The following BBS9 variants were observed in gnomAD, a reference collection of about 807,000 sequenced individuals.
BBS9 encodes the protein Bardet-Biedl syndrome 9, also known as protein PTHB1.
BBS9 carries 89 observed loss-of-function variants against 117.7 expected under a neutral mutation model. That is an observed-to-expected ratio of 0.76 (90% CI 0.64 to 0.90). BBS9 has a LOEUF of 0.90. Among genes scored for constraint, BBS9 ranks in the 40% least tolerant of loss-of-function variants. The pLI is 0.00. For missense variants in BBS9, 982 were observed against 1,042.2 expected, an observed-to-expected ratio of 0.94 and a Z score of 0.80; for synonymous variants, 379 against 370.9, an observed-to-expected ratio of 1.02 and a Z score of -0.25.
chr7:33,388,681 A>G (rs953172715), intron 19 of BBS9, among the ~76,000 whole-genome samples: 1 of 152,184 alleles, frequency 6.6e-6, no homozygotes, highest in Non-Finnish European at 1.5e-5. Context: ...TATCATTTGC[A>G]TGGCTAGGTG....
intron 21 of BBS9, among the ~76,000 whole-genome samples, chr7:33,614,455 G>A (rs953163725): frequency 6.6e-6 from 1 of 151,892 alleles, no homozygotes; most frequent in Non-Finnish European, 1.5e-5. Context: ...CTTGGAAAAC[G>A]TCACTCTGTC....
chr7:33,413,127 A>C (rs1489892479), intron 19 of BBS9, among the ~76,000 whole-genome samples: 6 of 152,168 alleles, frequency 3.9e-5, no homozygotes, highest in Admixed American at 6.5e-5. Context: ...GCCTTCAATC[A>C]AGAACTGACT....
chr7:33,468,842 C>G (rs1000842189), intron 19 of BBS9, among the ~76,000 whole-genome samples: 1 of 152,118 alleles, frequency 6.6e-6, no homozygotes, highest in Admixed American at 6.6e-5. Flanking sequence ...GAATTTCATT[C>G]TTTTTTGTGA....
chr7:33,229,332 A>T (rs1562838974), intron 5 of BBS9, among the ~76,000 whole-genome samples: 1 of 85,940 alleles, frequency 1.2e-5, no homozygotes. Flanking sequence ...CTCTGACTTC[A>T]TATCCTTGTA....
chr7:33,611,802 T>TATACCTTAAACCTTATATATA (rs1864890879), intron 21 of BBS9, among the ~76,000 whole-genome samples: 2 of 140,920 alleles, frequency 1.4e-5, no homozygotes, highest in Admixed American at 7.4e-5. Flanking sequence ...TGGTATATAT[T>TATACCTTAAACCTTATATATA]ATACCTTAAA....
chr7:33,533,931 T>C, intron 20 of BBS9, 23 bp from the exon 21 acceptor site: 1 of 1,613,018 alleles, frequency 6.2e-7, no homozygotes, highest in South Asian at 1.1e-5. Flanking sequence ...TTGTATTAAT[T>C]CAAAATTGGC....
chr7:33,381,782 C>G (rs1825084525), intron 17 of BBS9, among the ~76,000 whole-genome samples: 1 of 152,070 alleles, frequency 6.6e-6, no homozygotes, highest in South Asian at 2.1e-4. Context: ...GGTATGACTT[C>G]AGCAGCAAAG....
rs920293049 is a variant in BBS9 at position 33,404,493 on chromosome 7, A to G, written c.2115+16349A>G. Among the ~76,000 whole-genome samples the G allele has an allele frequency of 8.5e-4, 129 of 152,162 alleles. No homozygotes were observed. In the South Asian group the frequency reaches 0.011, roughly 13 times the overall value. ...ACCCATGAGCATGGAATGTTCTTCC[A>G]TTTGTTTGTATCCTCTTTTATTTCA... On this transcript the variant is annotated intron_variant, in intron 19 of 22. Transcript: ENST00000242067.
At chr7:33,304,836 C>G (rs1807536215) in intron 9 of BBS9, among the ~76,000 whole-genome samples, 1 of 152,066 alleles carries the variant, frequency 6.6e-6, no homozygotes, top group South Asian at 2.1e-4. Flanking sequence ...AACCTTACCC[C>G]CAACCCCGTG....
intron 19 of BBS9, among the ~76,000 whole-genome samples, chr7:33,397,610 A>C (rs1229086370): frequency 6.6e-6 from 1 of 152,240 alleles, no homozygotes; most frequent in African/African-American, 2.4e-5. Flanking sequence ...AATGTGGTAC[A>C]TATGCACCAT....
intron 5 of BBS9, among the ~76,000 whole-genome samples, chr7:33,185,004 C>T (rs1186308190): frequency 6.6e-6 from 1 of 152,176 alleles, no homozygotes; most frequent in African/African-American, 2.4e-5. Context: ...CCTCTTTAGA[C>T]CATACAATGT....
chr7:33,541,955 A>AAAC (rs59715098), intron 21 of BBS9, among the ~76,000 whole-genome samples: 69,697 of 151,784 alleles, frequency 0.46, 16,579 homozygotes, highest in South Asian at 0.57. Context: ...ACTTGTTTAA[A>AAAC]AACATTTTTT....
chr7:33,424,876 G>A (rs568090544), intron 19 of BBS9, among the ~76,000 whole-genome samples: 2 of 152,154 alleles, frequency 1.3e-5, no homozygotes, highest in South Asian at 4.1e-4. Context: ...ATCACTCAGA[G>A]TAACAGATGT....
At position 33,287,579 on chromosome 7, in the gene BBS9, T is replaced by C. The variant is rs551824832; in HGVS notation, c.1016+13623T>C. ...TCAACAGAACCTGCCAGTTAACAGA[T>C]TGTGGGGGTTCCCAGATATTCTAAA... On this transcript the variant is annotated intron_variant, in intron 9 of 22. Transcript: ENST00000242067. Among the ~76,000 whole-genome samples, 7 of 152,276 alleles carry C rather than the reference T, an allele frequency of 4.6e-5. No individual in the cohort carries two copies. The South Asian group carries it at 1.2e-3, about 27-fold the overall frequency.
intron 5 of BBS9, among the ~76,000 whole-genome samples, chr7:33,203,862 A>G (rs2128215368): frequency 6.6e-6 from 1 of 151,712 alleles, no homozygotes; most frequent in South Asian, 2.1e-4. Context: ...AGCTGGGATT[A>G]CAGGCGTGTG....
intron 9 of BBS9, among the ~76,000 whole-genome samples, chr7:33,324,990 C>T (rs1002069679): frequency 6.6e-6 from 1 of 152,096 alleles, no homozygotes; most frequent in African/African-American, 2.4e-5. Flanking sequence ...TGTTCTGTAA[C>T]CTCCTTGTAC....
chr7:33,574,840 A>C (rs902597340), intron 21 of BBS9, among the ~76,000 whole-genome samples: 2 of 152,100 alleles, frequency 1.3e-5, no homozygotes, highest in Non-Finnish European at 2.9e-5. Context: ...TCAAAAGAAA[A>C]TTTGAAGACA....
At chr7:33,351,441 T>TC in intron 14 of BBS9, 118 bp downstream of exon 14, 1 of 769,568 alleles carries the variant, frequency 1.3e-6, no homozygotes, top group Non-Finnish European at 2.3e-6. Flanking sequence ...TGTTATTTTC[T>TC]ACTGTTAAGT....
downstream of BBS9, among the ~76,000 whole-genome samples, chr7:33,609,489 T>C (rs914530697): frequency 6.6e-6 from 1 of 152,156 alleles, no homozygotes; most frequent in Non-Finnish European, 1.5e-5. Context: ...GAATAACTTT[T>C]ATCCATTTTA....
Sources: gnomAD v4.1 joint callset for allele counts (sites outside exome capture counted in the v4.1 genomes callset) on GRCh38, gnomAD v4.1.1 for gene constraint, MANE v1.5 for transcripts, NCBI Gene and HGNC (gene_info 2026-07-23, HGNC 2026-07-21) for gene names.